Variants in TMLHE observed in about 807,000 individuals in gnomAD.
The protein encoded by TMLHE is trimethyllysine dioxygenase, mitochondrial.
A neutral mutation model predicts 25.7 loss-of-function variants in TMLHE; 18 were observed. The observed-to-expected ratio is 0.70, with a 90% CI of 0.48 to 1.04. TMLHE has a LOEUF of 1.04. TMLHE is among the 50% of genes least tolerant of loss of function. TMLHE has a pLI of 0.00. For synonymous variants in TMLHE, 105 were observed against 97.0 expected (o/e 1.08, Z -0.49); for missense variants, 236 against 259.0 (o/e 0.91, Z 0.61).
At chrX:155,536,555 C>T (rs987128713) in intron 2 of TMLHE, among the ~76,000 whole-genome samples, 2 of 111,634 alleles carry the variant, frequency 1.8e-5, no homozygotes, top group Non-Finnish European at 3.8e-5. Context: ...TGTCCTTTTG[C>T]TGACTGGAAT....
At chrX:155,583,159 C>T (rs1368491712) in intron 1 of TMLHE, among the ~76,000 whole-genome samples, 1 of 110,694 alleles carries the variant, frequency 9.0e-6, no homozygotes, top group African/African-American at 3.3e-5. Context: ...ACATCACACA[C>T]TGGGGCCTGT....
chrX:155,523,094 G>T (rs1419488870), intron 3 of TMLHE, among the ~76,000 whole-genome samples: 1 of 111,499 alleles, frequency 9.0e-6, no homozygotes, highest in Non-Finnish European at 1.9e-5. Flanking sequence ...TTTCATTTCT[G>T]TAACAGCTAA....
intron 1 of TMLHE, among the ~76,000 whole-genome samples, chrX:155,557,705 C>G (rs1557341103): frequency 9.0e-6 from 1 of 111,156 alleles, no homozygotes; most frequent in African/African-American, 3.3e-5. Flanking sequence ...CCTGATCCCC[C>G]CTACACCTAA....
chrX:155,596,835 G>A (rs1458772429), intron 1 of TMLHE, among the ~76,000 whole-genome samples: 1 of 110,962 alleles, frequency 9.0e-6, no homozygotes, highest in African/African-American at 3.3e-5. Context: ...TTTCTTCTAA[G>A]TATACGAACT....
intron 1 of TMLHE, among the ~76,000 whole-genome samples, chrX:155,545,680 C>A (rs957414805): frequency 8.0e-5 from 9 of 111,944 alleles, no homozygotes; most frequent in African/African-American, 2.9e-4. Flanking sequence ...GGTAATGTAG[C>A]ACAATGCATT....
At chrX:155,533,473 T>C (rs1201579067) in intron 2 of TMLHE, among the ~76,000 whole-genome samples, 3 of 111,403 alleles carry the variant, frequency 2.7e-5, no homozygotes, top group African/African-American at 9.8e-5. Context: ...TACTGAGAAG[T>C]AGGGTACTGC....
At chrX:155,556,875 G>C (rs1433233252) in intron 1 of TMLHE, among the ~76,000 whole-genome samples, 12 of 111,680 alleles carry the variant, frequency 1.1e-4, no homozygotes, top group African/African-American at 3.9e-4. Flanking sequence ...CCTACCCCTA[G>C]GTGCGCATTC....
rs1397717470 is a variant in TMLHE at position 155,566,249 on chromosome X, A to G, written c.-1-20972T>C. On this transcript the variant is annotated intron_variant, in intron 1 of 7. Coordinates refer to ENST00000334398, the MANE Select transcript of TMLHE (RefSeq NM_018196.4). ...TTAATTTGAAGAAACACAGTTTCTT[A>G]TCTCTGGGCCATACTTTGCAGCTAT... 3.3e-5 allele frequency among the ~76,000 whole-genome samples: 2 copies of G among 61,478 alleles called. 1 individual carries two copies. Among genetic ancestry groups the G allele is most frequent in the Non-Finnish European group, 9.1e-5 (2 of 21,947 alleles). 53.4% of individuals were successfully genotyped at this position (61,478 alleles called of 115,157 possible).
intron 5 of TMLHE, among the ~76,000 whole-genome samples, chrX:155,509,997 T>C (rs2067097003): frequency 3.6e-5 from 4 of 111,162 alleles, no homozygotes; most frequent in African/African-American, 1.3e-4. Context: ...CTCTCCAACT[T>C]CTTGTAAATC....
At chrX:155,564,083 G>C (rs1557342022) in intron 1 of TMLHE, among the ~76,000 whole-genome samples, 1 of 61,302 alleles carries the variant, frequency 1.6e-5, no homozygotes. Context: ...AATAAGTCGA[G>C]TATAAGAGAC....
intron 5 of TMLHE, among the ~76,000 whole-genome samples, chrX:155,510,491 C>T (rs1245813660): frequency 1.0e-5 from 1 of 99,996 alleles, no homozygotes; most frequent in South Asian, 5.0e-4. Context: ...TGAGTGAGAA[C>T]ATGCGGTGTT....
intron 6 of TMLHE, among the ~76,000 whole-genome samples, 162 bp downstream of exon 6, chrX:155,506,736 C>T (rs782387344): frequency 8.1e-5 from 9 of 111,222 alleles, no homozygotes; most frequent in Non-Finnish European, 1.7e-4. Flanking sequence ...ATTTACTATT[C>T]CATGGGAATT....
At chrX:155,530,761 G>T (rs1557337008) in intron 2 of TMLHE, among the ~76,000 whole-genome samples, 1 of 112,559 alleles carries the variant, frequency 8.9e-6, no homozygotes, top group African/African-American at 3.2e-5. Context: ...GTGGGAATCT[G>T]TGGTGTATTT....
At chrX:155,510,580 C>T (rs1268758769) in intron 5 of TMLHE, among the ~76,000 whole-genome samples, 1 of 109,416 alleles carries the variant, frequency 9.1e-6, no homozygotes, top group Non-Finnish European at 1.9e-5. Flanking sequence ...GACATGAACT[C>T]ATCATTTTTT....
rs182452762 is a variant in TMLHE, at chrX:155,532,686, T to C, written c.182-8054A>G. Among the ~76,000 whole-genome samples, 61 of 107,311 alleles carry C rather than the reference T, an allele frequency of 5.7e-4. No homozygotes were observed. The East Asian group carries it at 0.01, about 18-fold the overall frequency. 93.2% of individuals were successfully genotyped at this position (107,311 alleles called of 115,157 possible). On this transcript the variant is annotated intron_variant, in intron 2 of 7. Coordinates refer to ENST00000334398, the MANE Select transcript of TMLHE (RefSeq NM_018196.4). ...CAAAATTCGTGTGTGTGTGTGTGTG[T>C]GTGTGTGTGTGTGTGTGTGTGTGTG...
At chrX:155,571,081 C>T (rs1603072923) in intron 1 of TMLHE, among the ~76,000 whole-genome samples, 1 of 56,305 alleles carries the variant, frequency 1.8e-5, no homozygotes, top group African/African-American at 4.3e-5. Context: ...ACTGATAGAC[C>T]GCTAGCAAGA....
At chrX:155,560,364 C>T (rs368898444) in intron 1 of TMLHE, among the ~76,000 whole-genome samples, 7 of 110,106 alleles carry the variant, frequency 6.4e-5, no homozygotes, top group African/African-American at 2.3e-4. Context: ...TTGTTTTAGG[C>T]ACTAGGGATA....
chrX:155,608,860 G>C (rs1204356282), intron 1 of TMLHE, among the ~76,000 whole-genome samples: 1 of 111,985 alleles, frequency 8.9e-6, no homozygotes, highest in Non-Finnish European at 1.9e-5. Context: ...ACACCAGTCA[G>C]GATGGCTATT....
chrX:155,524,436 C>A lies in TMLHE; in HGVS notation c.358+20G>T. On this transcript the variant is annotated intron_variant, in intron 3 of 7. Transcript: ENST00000334398. ...TCAGAAGAGTACCCCCAAAGAAGAT[C>A]AAGTCTCCTGTCCACTCACAAGTGA... 9.1e-7 allele frequency: 1 copy of A among 1,103,469 alleles called. No homozygotes were observed. Among genetic ancestry groups the A allele is most frequent in the Non-Finnish European group, 1.2e-6 (1 of 834,289 alleles). The allele number at this position is 1,103,469 out of a possible 1,213,427, so 90.9% of individuals were successfully genotyped here.
Sources: gnomAD v4.1 joint callset for allele counts (sites outside exome capture counted in the v4.1 genomes callset) on GRCh38, gnomAD v4.1.1 for gene constraint, MANE v1.5 for transcripts, NCBI Gene and HGNC (gene_info 2026-07-23, HGNC 2026-07-21) for gene names.